GTF2H2C: variants seen among roughly 807,000 people sequenced by gnomAD.
GTF2H2C encodes GTF2H2 family member C.
GTF2H2C carries 5 observed loss-of-function variants against 24.8 expected under a neutral mutation model. That is an observed-to-expected ratio of 0.20 (90% CI 0.11 to 0.42). GTF2H2C has a LOEUF of 0.42. Ranked by LOEUF, GTF2H2C falls within the 20% of genes least tolerant of loss-of-function variation. The pLI, the probability that GTF2H2C is intolerant of heterozygous loss-of-function variation, is 1.00. For missense variants in GTF2H2C, 45 were observed against 169.8 expected (o/e 0.27, Z 4.08); for synonymous variants, 14 against 52.6 (o/e 0.27, Z 3.18).
intron 2 of GTF2H2C, among the ~76,000 whole-genome samples, chr5:69,563,836 G>A (rs752705378): frequency 6.6e-6 from 1 of 151,890 alleles, no homozygotes; most frequent in Admixed American, 6.6e-5. Context: ...GCAGTGGCAC[G>A]ATCTCGGCTC....
At chr5:69,566,528 T>TA in intron 4 of GTF2H2C, 61 bp from the exon 5 acceptor site, 1 of 773,804 alleles carries the variant, frequency 1.3e-6, no homozygotes, top group African/African-American at 3.9e-5. Flanking sequence ...AAGTTGTATT[T>TA]TTTTTTGTGG....
chr5:69,579,639 T>C, intron 11 of GTF2H2C, 118 bp from the exon 12 acceptor site: 1 of 869,002 alleles, frequency 1.2e-6, no homozygotes, highest in East Asian at 2.7e-5. Flanking sequence ...ATAATTTAGC[T>C]AAAATCATTA....
chr5:69,564,785 G>A (rs1770645038), intron 2 of GTF2H2C, among the ~76,000 whole-genome samples: 2 of 150,478 alleles, frequency 1.3e-5, no homozygotes, highest in South Asian at 2.1e-4. Flanking sequence ...GTTCAACTAC[G>A]CCCATACTGA....
At chr5:69,564,889 C>T (rs1447425878) in intron 2 of GTF2H2C, among the ~76,000 whole-genome samples, 1 of 151,840 alleles carries the variant, frequency 6.6e-6, no homozygotes, top group Non-Finnish European at 1.5e-5. Flanking sequence ...TTATTGGTAC[C>T]AAGTTTGTGT....
At chr5:69,573,164 A>ACACT in intron 9 of GTF2H2C, among the ~76,000 whole-genome samples, 1 of 144,322 alleles carries the variant, frequency 6.9e-6, no homozygotes, top group African/African-American at 2.5e-5. Flanking sequence ...ACACACACAC[A>ACACT]CACACACACA....
chr5:69,590,172 A>C (rs1383500275), intron 15 of GTF2H2C, among the ~76,000 whole-genome samples, 156 bp from the exon 16 acceptor site: 1 of 145,960 alleles, frequency 6.9e-6, no homozygotes, highest in African/African-American at 2.5e-5. Flanking sequence ...GGCGTGAGCC[A>C]CTGTGCCTGG....
intron 12 of GTF2H2C, among the ~76,000 whole-genome samples, chr5:69,580,885 ACTTTTTTTTTT>A (rs1453460611): frequency 7.4e-6 from 1 of 134,716 alleles, no homozygotes; most frequent in Non-Finnish European, 1.6e-5. Flanking sequence ...GTTTTGGATC[ACTTTTTTTTTT>A]CTTTTTTTTT....
chr5:69,573,153 C>CACAT (rs1238523880), intron 9 of GTF2H2C, among the ~76,000 whole-genome samples: 1 of 138,850 alleles, frequency 7.2e-6, no homozygotes, highest in Non-Finnish European at 1.6e-5. Context: ...TATACACACA[C>CACAT]ACACACACAC....
chr5:69,573,143 TATACACACACACACACACAC>T (rs1257898195), intron 9 of GTF2H2C, among the ~76,000 whole-genome samples: 6 of 92,050 alleles, frequency 6.5e-5, no homozygotes, highest in Non-Finnish European at 6.8e-5. Context: ...ATCTATTATA[TATACACACACACACACACAC>T]ACACACACAC....
At chr5:69,561,153 A>T (rs1770310122) in intron 1 of GTF2H2C, among the ~76,000 whole-genome samples, 1 of 151,998 alleles carries the variant, frequency 6.6e-6, no homozygotes, top group African/African-American at 2.4e-5. Context: ...TCCTTTAAAC[A>T]GCATGCATGT....
chr5:69,568,176 TA>T lies in GTF2H2C; in HGVS notation c.337del (p.Arg113GlufsTer5). 1 of 467,660 alleles carries T rather than the reference TA, an allele frequency of 2.1e-6. No homozygotes were observed. Among genetic ancestry groups the T allele is most frequent in the South Asian group, 2.9e-5 (1 of 34,026 alleles). The allele number at this position is 467,660 out of a possible 1,614,324, so 29.0% of individuals were successfully genotyped here. A position where few individuals can be genotyped will look rare whatever the true frequency, so the allele number is the denominator to read the frequency against. On this transcript the variant is annotated frameshift_variant, in exon 8 of 17. Coordinates refer to ENST00000380729, the MANE Select transcript of GTF2H2C (RefSeq NM_001376000.2). LOFTEE classifies it high-confidence loss of function. ...SQIGIIVTKS[K>X]RAEKLTELSG... ...AGATTGGAATAATTGTAACTAAGAG[TA>T]AAAGAGCTGAAAAATTGACTGAACT...
intron 9 of GTF2H2C, among the ~76,000 whole-genome samples, chr5:69,573,155 C>CAA (rs1290243859): frequency 7.1e-6 from 1 of 140,268 alleles, no homozygotes; most frequent in African/African-American, 2.6e-5. Context: ...TACACACACA[C>CAA]ACACACACAC....
At chr5:69,569,655 C>G (rs1175026947) in intron 8 of GTF2H2C, 1 of 72,424 alleles carries the variant, frequency 1.4e-5, no homozygotes, top group African/African-American at 3.1e-5. Context: ...TCACTTTACC[C>G]ACCCCGAGTT....
intron 2 of GTF2H2C, among the ~76,000 whole-genome samples, chr5:69,563,208 G>GTTTTTT (rs372454225): frequency 2.6e-4 from 28 of 107,320 alleles, no homozygotes; most frequent in African/African-American, 1.1e-3. Context: ...ACCCGGCCTG[G>GTTTTTT]TTTTTTTTTT....
chr5:69,573,038 T>C (rs902017946), intron 9 of GTF2H2C, among the ~76,000 whole-genome samples: 3 of 137,900 alleles, frequency 2.2e-5, no homozygotes, highest in African/African-American at 8.2e-5. Flanking sequence ...TATATATATA[T>C]AAGCTTTATA....
chr5:69,563,456 C>T (rs556457230), intron 2 of GTF2H2C, among the ~76,000 whole-genome samples: 36 of 152,030 alleles, frequency 2.4e-4, no homozygotes, highest in African/African-American at 8.2e-4. Context: ...TCAGGTGATC[C>T]GCACCTTGTC....
chr5:69,589,992 C>G (rs1771914850), intron 15 of GTF2H2C, among the ~76,000 whole-genome samples: 1 of 127,182 alleles, frequency 7.9e-6, no homozygotes, highest in Admixed American at 9.2e-5. Flanking sequence ...TCAAGCGATT[C>G]TCCTGCGTCA....
At chr5:69,570,305 C>T (rs2112205588) in intron 8 of GTF2H2C, among the ~76,000 whole-genome samples, 1 of 59,440 alleles carries the variant, frequency 1.7e-5, no homozygotes, top group Admixed American at 1.9e-4. Context: ...GGGATTTGGA[C>T]TGCTTAGCGA....
At chr5:69,573,145 TACACAC>T (rs779761105) in intron 9 of GTF2H2C, among the ~76,000 whole-genome samples, 2,300 of 117,446 alleles carry the variant, frequency 0.02, 83 homozygotes, top group African/African-American at 0.059. Flanking sequence ...CTATTATATA[TACACAC>T]ACACACACAC....
Sources: gnomAD v4.1 joint callset for allele counts (sites outside exome capture counted in the v4.1 genomes callset) on GRCh38, gnomAD v4.1.1 for gene constraint, MANE v1.5 for transcripts, NCBI Gene and HGNC (gene_info 2026-07-23, HGNC 2026-07-21) for gene names.